Variants in ZFPM2 observed in about 807,000 individuals in gnomAD.
ZFPM2 encodes zinc finger protein ZFPM2.
In ZFPM2, 20 loss-of-function variants were observed where a neutral mutation model predicts 98.6. That is an observed-to-expected ratio of 0.20 (90% confidence interval 0.14 to 0.29). ZFPM2 has a LOEUF of 0.29. Among genes scored for constraint, ZFPM2 ranks in the 10% least tolerant of loss-of-function variants. ZFPM2 has a pLI of 1.00. For synonymous variants in ZFPM2, 518 were observed against 502.7 expected (o/e 1.03, Z -0.41); for missense variants, 1,310 against 1,388.6 (o/e 0.94, Z 0.90).
intron 2 of ZFPM2, among the ~76,000 whole-genome samples, chr8:105,443,926 A>T (rs1812316521): frequency 2.0e-5 from 3 of 152,174 alleles, no homozygotes; most frequent in Admixed American, 6.5e-5. Context: ...AAAAGTTATA[A>T]TTTGGAAATC....
chr8:105,676,345 G>A (rs1296136139), intron 5 of ZFPM2, among the ~76,000 whole-genome samples: 1 of 152,126 alleles, frequency 6.6e-6, no homozygotes, highest in Non-Finnish European at 1.5e-5. Flanking sequence ...ACTCAAGATA[G>A]TAAAATTCCC....
At chr8:105,619,026 G>T (rs985973920) in intron 4 of ZFPM2, among the ~76,000 whole-genome samples, 4 of 152,034 alleles carry the variant, frequency 2.6e-5, no homozygotes, top group Non-Finnish European at 4.4e-5. Context: ...AGAGGTGCAT[G>T]GATTAAACCA....
At chr8:105,515,528 A>T (rs28580312) in intron 3 of ZFPM2, among the ~76,000 whole-genome samples, 9,933 of 152,170 alleles carry the variant, frequency 0.065, 839 homozygotes, top group African/African-American at 0.2. Context: ...TTTGTTTTAG[A>T]TTCCTAGGCC....
At chr8:105,625,469 C>A (rs1444697374) in intron 4 of ZFPM2, among the ~76,000 whole-genome samples, 1 of 152,064 alleles carries the variant, frequency 6.6e-6, no homozygotes, top group Non-Finnish European at 1.5e-5. Flanking sequence ...CCATTTTACT[C>A]CATTTTTCAA....
intron 3 of ZFPM2, among the ~76,000 whole-genome samples, chr8:105,525,066 T>G (rs1814145976): frequency 6.6e-6 from 1 of 152,198 alleles, no homozygotes; most frequent in Non-Finnish European, 1.5e-5. Flanking sequence ...TGACACCAAA[T>G]GTATCCAATT....
chr8:105,636,538 G>A (rs557030770), intron 5 of ZFPM2, among the ~76,000 whole-genome samples: 197 of 152,176 alleles, frequency 1.3e-3, no homozygotes, highest in African/African-American at 4.5e-3. Context: ...TGTCCAAAAA[G>A]GAGTAAGTAA....
intron 2 of ZFPM2, among the ~76,000 whole-genome samples, chr8:105,433,316 T>C (rs956147372): frequency 6.6e-6 from 1 of 152,244 alleles, no homozygotes; most frequent in African/African-American, 2.4e-5. Context: ...ATAATATTGA[T>C]AGCAGGGATA....
rs1470957247 is a variant in ZFPM2, at chr8:105,407,563, A to G, written c.41-11581A>G. Among the ~76,000 whole-genome samples the G allele has an allele frequency of 2.6e-5, 4 of 151,860 alleles. No homozygotes were observed. The East Asian group carries it at 7.7e-4, about 29-fold the overall frequency. ...TCCAGGAAGGTGCGAAATCCCCCAT[A>G]CTTGTTGCCAATGCACTGAAGGTTA... On this transcript the variant is annotated intron_variant, in intron 1 of 7. Transcript: ENST00000407775.
chr8:105,504,814 C>A (rs574109601), intron 3 of ZFPM2, among the ~76,000 whole-genome samples: 2 of 151,884 alleles, frequency 1.3e-5, no homozygotes, highest in Non-Finnish European at 2.9e-5. Context: ...ACTTGGGTTC[C>A]TAGGGAAGGG....
At chr8:105,609,507 A>G (rs181166476) in intron 4 of ZFPM2, among the ~76,000 whole-genome samples, 1 of 152,304 alleles carries the variant, frequency 6.6e-6, no homozygotes, top group Admixed American at 6.5e-5. Flanking sequence ...TTTTAATTGT[A>G]TTATACAAGT....
At chr8:105,501,182 CTCT>C (rs1395776293) in intron 3 of ZFPM2, among the ~76,000 whole-genome samples, 7 of 121,014 alleles carry the variant, frequency 5.8e-5, no homozygotes, top group Non-Finnish European at 7.1e-5. Context: ...ATTTACTTTT[CTCT>C]TTTTTTTTTT....
At chr8:105,388,214 C>T (rs1171044457) in intron 1 of ZFPM2, among the ~76,000 whole-genome samples, 2 of 152,084 alleles carry the variant, frequency 1.3e-5, no homozygotes, top group Admixed American at 1.3e-4. Flanking sequence ...TGCACACACA[C>T]ACAACTGCAG....
intron 5 of ZFPM2, among the ~76,000 whole-genome samples, chr8:105,676,526 G>GT (rs1267786977): frequency 1.3e-5 from 2 of 151,912 alleles, no homozygotes; most frequent in East Asian, 3.9e-4. Flanking sequence ...GTATTTGACT[G>GT]TTTCAGCGTC....
intron 4 of ZFPM2, among the ~76,000 whole-genome samples, chr8:105,599,770 G>A (rs541175155): frequency 1.3e-5 from 2 of 152,186 alleles, no homozygotes; most frequent in East Asian, 1.9e-4. Flanking sequence ...TCTGGAACAG[G>A]CTTTAGCCTC....
chr8:105,723,342 G>A (rs558666676), intron 5 of ZFPM2, among the ~76,000 whole-genome samples: 1 of 151,948 alleles, frequency 6.6e-6, no homozygotes, highest in South Asian at 2.1e-4. Context: ...AATCGTTCCA[G>A]ACTTCGTGAC....
intron 5 of ZFPM2, chr8:105,662,681 A>G (rs1175531106): frequency 6.6e-6 from 1 of 150,742 alleles, no homozygotes; most frequent in Non-Finnish European, 1.5e-5. Flanking sequence ...TTTTTTTTTA[A>G]TATTTCTTAT....
In ZFPM2 at chr8:105,788,916, T is replaced by C. The variant is rs756999191; in HGVS notation, c.731T>C (p.Ile244Thr). Residue 244 changes from isoleucine (I) to threonine (T), a missense_variant, in exon 6 of 8, where the codon ATT becomes ACT. Physicochemically the swap from Ile to Thr is moderately conservative, Grantham distance 89 (BLOSUM62 -1). Coordinates refer to ENST00000407775, the MANE Select transcript of ZFPM2 (RefSeq NM_012082.4). ...ATGGCTTCTATTTTGCCCACAGCTA[T>C]TGTCAATAGTAAGTGCTCAGTGCTG... ...AAMASILPTA[I>T]VNKDIFPCKS... 6 of 1,613,234 alleles carry C rather than the reference T, an allele frequency of 3.7e-6. No individual in the cohort carries two copies. The highest frequency in any genetic ancestry group is 1.3e-5 in the African/African-American group (1 of 74,890).
chr8:105,757,277 T>C (rs769070069), intron 5 of ZFPM2, among the ~76,000 whole-genome samples: 1 of 152,180 alleles, frequency 6.6e-6, no homozygotes, highest in Non-Finnish European at 1.5e-5. Flanking sequence ...CATATTAGAC[T>C]CACAAGTTGA....
intron 4 of ZFPM2, among the ~76,000 whole-genome samples, chr8:105,569,942 T>C (rs1648822793): frequency 6.6e-6 from 1 of 152,122 alleles, no homozygotes; most frequent in South Asian, 2.1e-4. Context: ...AAGAGCAAGA[T>C]TGTTCCAAGA....
Sources: gnomAD v4.1 joint callset for allele counts (sites outside exome capture counted in the v4.1 genomes callset) on GRCh38, gnomAD v4.1.1 for gene constraint, MANE v1.5 for transcripts, NCBI Gene and HGNC (gene_info 2026-07-23, HGNC 2026-07-21) for gene names.